Variants in CCNYL1 observed in about 807,000 individuals in gnomAD.
CCNYL1 encodes the protein cyclin-Y-like protein 1.
A neutral mutation model predicts 44.2 loss-of-function variants in CCNYL1; 16 were observed. The observed-to-expected ratio is 0.36, with a 90% CI of 0.25 to 0.55. The LOEUF (loss-of-function observed/expected upper bound fraction) is 0.55. Ranked by LOEUF, CCNYL1 falls within the 20% of genes least tolerant of loss-of-function variation. The probability of loss-of-function intolerance (pLI) is 0.85; values close to 1 mark genes in which losing one functional copy is unlikely to be tolerated. For missense variants in CCNYL1, 348 were observed against 451.8 expected, an observed-to-expected ratio of 0.77 and a Z score of 2.08; for synonymous variants, 159 against 163.2, an observed-to-expected ratio of 0.97 and a Z score of 0.20.
chr2:207,738,001 T>C (rs1305915441), intron 5 of CCNYL1, among the ~76,000 whole-genome samples: 1 of 152,208 alleles, frequency 6.6e-6, no homozygotes, highest in African/African-American at 2.4e-5. Context: ...ATCTCTGTCT[T>C]TGCAATTAGT....
chr2:207,718,349 A>G (rs573980646), intron 1 of CCNYL1, among the ~76,000 whole-genome samples: 52 of 152,196 alleles, frequency 3.4e-4, no homozygotes, highest in African/African-American at 1.2e-3. Context: ...CTGCCTCTAC[A>G]AAAAGTAAAT....
Position 207,753,797 on chromosome 2 carries a change from C to T in CCNYL1, c.*99C>T. 4.3e-6 allele frequency: 3 copies of T among 697,448 alleles called. No individual in the cohort carries two copies. The highest frequency in any genetic ancestry group is 2.5e-6 in the Non-Finnish European group (1 of 407,868). 43.2% of individuals were successfully genotyped at this position (697,448 alleles called of 1,614,324 possible). A position where few individuals can be genotyped will look rare whatever the true frequency, so the allele number is the denominator to read the frequency against. ...CAAAAACCAGCAAAATTAGTGTTTTCATCAAAAGGAAAGATCTCAAATTCA... is the reference window on the plus strand; with the variant it reads ...CAAAAACCAGCAAAATTAGTGTTTTTATCAAAAGGAAAGATCTCAAATTCA... On this transcript the variant is annotated 3_prime_UTR_variant, in exon 10 of 10. Coordinates refer to ENST00000295414, the MANE Select transcript of CCNYL1 (RefSeq NM_001330218.2).
intron 9 of CCNYL1, among the ~76,000 whole-genome samples, chr2:207,752,824 G>A (rs901525729): frequency 2.0e-5 from 3 of 151,980 alleles, no homozygotes; most frequent in African/African-American, 7.3e-5. Flanking sequence ...GATCACCTGA[G>A]GTCAGGAGTT....
chr2:207,745,348 C>T (rs1377094316), intron 7 of CCNYL1, among the ~76,000 whole-genome samples: 1 of 152,184 alleles, frequency 6.6e-6, no homozygotes, highest in Non-Finnish European at 1.5e-5. Flanking sequence ...GAAAAGAACT[C>T]TCACACTGAC....
chr2:207,728,990 G>T (rs1312064409), intron 3 of CCNYL1, among the ~76,000 whole-genome samples: 4 of 151,936 alleles, frequency 2.6e-5, no homozygotes. Flanking sequence ...GTAAAGAAGG[G>T]ATTTTACCAT....
chr2:207,751,087 C>T lies in CCNYL1; in HGVS notation c.937C>T (p.Pro313Ser), dbSNP rs1490529036. Residue 313 changes from proline (P) to serine (S), a missense_variant, in exon 9 of 10, where the codon CCT (proline) becomes TCT (serine). Around this residue, in one of 3 missense-constraint regions of CCNYL1, gnomAD observed 94 missense variants for 102.4 expected, o/e 0.92. Coordinates refer to ENST00000295414, the MANE Select transcript of CCNYL1 (RefSeq NM_001330218.2). The stretch of plus-strand genomic sequence containing the variant: ...CAACAACCTGAATTTTCTATTTGCT[C>T]CTCTTAGCAAAGAAAGAGCACAGAA... ...DDNNLNFLFA[P>S]LSKERAQNLE... 1.9e-6 allele frequency: 3 copies of T among 1,614,038 alleles called. No individual in the cohort carries two copies. In the African/African-American group the frequency reaches 4.0e-5, roughly 22 times the overall value.
intron 4 of CCNYL1, among the ~76,000 whole-genome samples, chr2:207,736,057 C>G (rs2091762610): frequency 6.6e-6 from 1 of 152,196 alleles, no homozygotes; most frequent in Non-Finnish European, 1.5e-5. Flanking sequence ...TGAACTGCTT[C>G]TATTTGGTGG....
chr2:207,715,382 T>TC (rs1352972808), intron 1 of CCNYL1, among the ~76,000 whole-genome samples: 12 of 141,752 alleles, frequency 8.5e-5, no homozygotes, highest in Admixed American at 3.5e-4. Flanking sequence ...GCTATTTCTT[T>TC]TTTTTTTTTT....
At chr2:207,750,665 G>T in intron 8 of CCNYL1, 1 of 278,628 alleles carries the variant, frequency 3.6e-6, no homozygotes, top group Non-Finnish European at 6.7e-6. Context: ...CGTGAAGTAT[G>T]AATTGTACAG....
At chr2:207,737,335 C>G (rs1369184409) in intron 4 of CCNYL1, 76 bp from the exon 5 acceptor site, 4 of 1,128,426 alleles carry the variant, frequency 3.5e-6, no homozygotes, top group Non-Finnish European at 5.3e-6. Context: ...CCTCCCTTCC[C>G]TCATTTAAAA....
In CCNYL1 at chr2:207,712,001, G is replaced by T. The variant is rs1211623250; in HGVS notation, c.105G>T (p.Ala35=). The T allele has an allele frequency of 6.8e-7, 1 of 1,471,406 alleles. No homozygotes were observed. The highest frequency in any genetic ancestry group is 9.0e-7 in the Non-Finnish European group (1 of 1,110,142). The allele number at this position is 1,471,406 out of a possible 1,614,324, so 91.1% of individuals were successfully genotyped here. A position where few individuals can be genotyped will look rare whatever the true frequency, so the allele number is the denominator to read the frequency against. The change falls in exon 1 of 10, where the codon GCG becomes GCT. Residue 35 remains alanine, a synonymous_variant. Coordinates refer to ENST00000295414, the MANE Select transcript of CCNYL1 (RefSeq NM_001330218.2). ...ELYCASDIYE[A]VSGDAVAVAP... The stretch of plus-strand genomic sequence containing the variant: ...ACTGCGCGTCCGACATCTACGAGGC[G>T]GTGTCCGGGGACGCGGTGGCGGTAG...
chr2:207,725,055 T>C (rs1341916355), intron 2 of CCNYL1, among the ~76,000 whole-genome samples, 181 bp downstream of exon 2: 4 of 152,244 alleles, frequency 2.6e-5, no homozygotes, highest in Admixed American at 6.5e-5. Flanking sequence ...AGTAATAACA[T>C]GTAGACCTAT....
intron 7 of CCNYL1, among the ~76,000 whole-genome samples, chr2:207,744,651 T>C (rs1435888235): frequency 1.3e-5 from 2 of 152,086 alleles, no homozygotes; most frequent in Non-Finnish European, 2.9e-5. Flanking sequence ...ATTACAAGTG[T>C]GAGCCACTGC....
intron 9 of CCNYL1, 23 bp from the exon 10 acceptor site, chr2:207,753,565 T>G: frequency 2.0e-6 from 3 of 1,511,148 alleles, no homozygotes; most frequent in Non-Finnish European, 2.7e-6. Context: ...TGTACCTGTT[T>G]TCTATTTGAT....
In CCNYL1 at chr2:207,749,791, G is replaced by A. The variant is rs761101244; in HGVS notation, c.807-1166G>A. 2.6e-5 allele frequency among the ~76,000 whole-genome samples: 4 copies of A among 152,290 alleles called. No individual in the cohort carries two copies. In the South Asian group the frequency reaches 8.3e-4, roughly 32 times the overall value. ...AGGTTCAGTTGGGTTTTTAAGCTCA[G>A]CAAATGAGAAAACCACATCTCTGCT... is the stretch of plus-strand genomic sequence containing the variant. On this transcript the variant is annotated intron_variant, in intron 8 of 9. Coordinates refer to ENST00000295414, the MANE Select transcript of CCNYL1 (RefSeq NM_001330218.2).
chr2:207,717,447 G>C (rs1421292727), intron 1 of CCNYL1, among the ~76,000 whole-genome samples: 1 of 152,210 alleles, frequency 6.6e-6, no homozygotes, highest in Non-Finnish European at 1.5e-5. Context: ...ATACAAGACA[G>C]AACCTCATCC....
At chr2:207,733,564 A>T (rs1048729140) in intron 3 of CCNYL1, among the ~76,000 whole-genome samples, 3 of 152,246 alleles carry the variant, frequency 2.0e-5, no homozygotes, top group African/African-American at 7.2e-5. Flanking sequence ...CTCTTATGCA[A>T]ATATGATTTA....
At chr2:207,726,586 C>G (rs2091681499) in intron 2 of CCNYL1, among the ~76,000 whole-genome samples, 1 of 152,056 alleles carries the variant, frequency 6.6e-6, no homozygotes, top group Non-Finnish European at 1.5e-5. Context: ...TTGTTTTGCC[C>G]CTTTCTTTTT....
chr2:207,750,752 C>T (rs2091885376), intron 8 of CCNYL1: 2 of 481,924 alleles, frequency 4.2e-6, no homozygotes, highest in Admixed American at 3.6e-5. Flanking sequence ...CTTCAACCTT[C>T]ATCCCAGTTC....
Sources: allele counts gnomAD v4.1 joint callset (sites outside exome capture counted in the v4.1 genomes callset), GRCh38; gene constraint gnomAD v4.1.1; regional missense constraint gnomAD v4.1.1; transcripts MANE v1.5; gene names NCBI Gene and HGNC (gene_info 2026-07-23, HGNC 2026-07-21).